BLTP1: variants seen among roughly 807,000 people sequenced by gnomAD.
BLTP1 encodes the protein bridge-like lipid transfer protein family member 1.
the BLTP1 span, among the ~76,000 whole-genome samples, chr4:122,157,510 G>T: frequency 0.028 from 4,303 of 152,178 alleles, 137 homozygotes; most frequent in African/African-American, 0.08. Flanking sequence ...TAAATCCCTC[G>T]CAGGTGCAGT....
At chr4:122,244,980 A>G in the BLTP1 span, 2 of 1,597,522 alleles carry the variant, frequency 1.3e-6, no homozygotes, top group Non-Finnish European at 1.7e-6. Flanking sequence ...TGTAGAATCA[A>G]CGACATTTAA....
the BLTP1 span, chr4:122,325,536 T>C: frequency 8.1e-7 from 1 of 1,231,376 alleles, no homozygotes; most frequent in Non-Finnish European, 1.0e-6. Context: ...ACATTTTACA[T>C]GCACAATAAA....
the BLTP1 span, among the ~76,000 whole-genome samples, chr4:122,337,869 A>T: frequency 6.7e-6 from 1 of 148,240 alleles, no homozygotes; most frequent in Admixed American, 6.8e-5. Context: ...TATTATATAT[A>T]ATAAAATATA....
chr4:122,255,124 A>T, the BLTP1 span: 1 of 1,599,528 alleles, frequency 6.3e-7, no homozygotes, highest in African/African-American at 1.3e-5. Flanking sequence ...TTGTTTCTTG[A>T]TTTTAGAATA....
chr4:122,219,524 C>T, the BLTP1 span: 4 of 1,613,954 alleles, frequency 2.5e-6, no homozygotes, highest in Non-Finnish European at 3.4e-6. Flanking sequence ...TGGGATATTA[C>T]TGTACTTGTT....
the BLTP1 span, among the ~76,000 whole-genome samples, chr4:122,196,398 T>C: frequency 6.6e-6 from 1 of 152,156 alleles, no homozygotes; most frequent in Non-Finnish European, 1.5e-5. Flanking sequence ...AGTCTTTAGT[T>C]TGTCGTAGTA....
At chr4:122,311,846 G>T in the BLTP1 span, among the ~76,000 whole-genome samples, 1 of 152,270 alleles carries the variant, frequency 6.6e-6, no homozygotes, top group South Asian at 2.1e-4. Context: ...CCTGCATTCA[G>T]CCTAATGGTT....
chr4:122,197,869 A>G, the BLTP1 span: 7 of 631,464 alleles, frequency 1.1e-5, no homozygotes, highest in Non-Finnish European at 1.4e-5. Context: ...ATGAATAAAT[A>G]CTTTTTGTTA....
the BLTP1 span, chr4:122,281,737 A>G: frequency 6.3e-7 from 1 of 1,584,936 alleles, no homozygotes; most frequent in Non-Finnish European, 8.6e-7. Flanking sequence ...TGAAAGCAGA[A>G]TACAAGATGG....
At chr4:122,362,375 T>TGTAA in the BLTP1 span, 3 of 729,956 alleles carry the variant, frequency 4.1e-6, no homozygotes, top group East Asian at 5.6e-5. Flanking sequence ...ATTAAAAGTT[T>TGTAA]GTAAGTTAAC....
At chr4:122,325,019 C>A in the BLTP1 span, among the ~76,000 whole-genome samples, 1 of 151,766 alleles carries the variant, frequency 6.6e-6, no homozygotes, top group African/African-American at 2.4e-5. Context: ...AGTATAAATT[C>A]TTTTTATATG....
the BLTP1 span, chr4:122,219,577 TAC>T: frequency 1.9e-6 from 3 of 1,600,786 alleles, no homozygotes; most frequent in Non-Finnish European, 2.6e-6. Context: ...TGTAAGTGTT[TAC>T]ACATGAAAGT....
chr4:122,359,612 T>C, the BLTP1 span: 1 of 1,612,530 alleles, frequency 6.2e-7, no homozygotes, highest in Non-Finnish European at 8.5e-7. Context: ...GTCCAATTAT[T>C]ATACATGACG....
chr4:122,170,086 C>T, the BLTP1 span: 16 of 663,454 alleles, frequency 2.4e-5, no homozygotes, highest in Non-Finnish European at 2.2e-5. Flanking sequence ...GCAGGCGGAT[C>T]ACCTGATGTC....
chr4:122,246,180 C>G, the BLTP1 span: 3 of 1,591,956 alleles, frequency 1.9e-6, no homozygotes, highest in Non-Finnish European at 2.6e-6. Flanking sequence ...ATTAGAGGAA[C>G]AAAAACTGAG....
chr4:122,218,721 A>G, the BLTP1 span, among the ~76,000 whole-genome samples: 2 of 152,332 alleles, frequency 1.3e-5, no homozygotes, highest in South Asian at 4.1e-4. Flanking sequence ...TTGAAGCTAA[A>G]TTTATATTTT....
the BLTP1 span, chr4:122,197,131 A>G: frequency 1.2e-6 from 1 of 803,352 alleles, no homozygotes; most frequent in East Asian, 3.1e-5. Flanking sequence ...TAATAACTGA[A>G]AAGTAAAGAT....
the BLTP1 span, chr4:122,187,001 G>A: frequency 1.0e-6 from 1 of 984,684 alleles, no homozygotes; most frequent in Non-Finnish European, 1.2e-6. Flanking sequence ...AGGAGCAACT[G>A]GATTGTTTTC....
At chr4:122,304,547 T>C in the BLTP1 span, 10 of 172,014 alleles carry the variant, frequency 5.8e-5, no homozygotes, top group Admixed American at 2.0e-4. Context: ...ACAATGTTTT[T>C]TAGACATAAT....
Sources: gnomAD v4.1 joint callset for allele counts (sites outside exome capture counted in the v4.1 genomes callset) on GRCh38, gnomAD v4.1.1 for gene constraint, MANE v1.5 for transcripts, NCBI Gene and HGNC (gene_info 2026-07-23, HGNC 2026-07-21) for gene names.